The following SETD1A variants were observed in gnomAD, a reference collection of about 807,000 sequenced individuals.
SETD1A encodes the protein SET domain containing 1A, histone lysine methyltransferase.
Under a neutral mutation model 149.9 loss-of-function variants are expected in SETD1A, and 29 were observed. The ratio of observed to expected loss-of-function variants is 0.19; its 90% confidence interval spans 0.14 to 0.26. SETD1A has a LOEUF of 0.26. Ranked by LOEUF, SETD1A falls within the 10% of genes least tolerant of loss-of-function variation. The pLI, the probability that SETD1A is intolerant of heterozygous loss-of-function variation, is 1.00. For synonymous variants in SETD1A, 1,141 were observed against 968.5 expected, an observed-to-expected ratio of 1.18 and a Z score of -3.31; for missense variants, 2,109 against 2,353.1, an observed-to-expected ratio of 0.90 and a Z score of 2.15.
chr16:30,979,919 A>ACAG lies in SETD1A; in HGVS notation c.4147_4149dup (p.Ser1383dup), dbSNP rs542501339. ...GAGGAAGAGGAGGAGGAGTCCTCTGACAGCAGCAGCAGCAGCGATGGGGAG... is the reference window on the plus strand; with the variant it reads ...GAGGAAGAGGAGGAGGAGTCCTCTGACAGCAGCAGCAGCAGCAGCGATGGGGAG... On this transcript the variant is annotated inframe_insertion, in exon 14 of 19. Coordinates refer to ENST00000262519, the MANE Select transcript of SETD1A (RefSeq NM_014712.3). 5,071 of 1,534,008 alleles carry ACAG rather than the reference A, an allele frequency of 3.3e-3. 6 individuals carry two copies. Among genetic ancestry groups the ACAG allele is most frequent in the Non-Finnish European group, 4.1e-3 (4,641 of 1,145,528 alleles).
rs773199524 is a variant in SETD1A, at chr16:30,966,191, G to A, written c.2310G>A (p.Arg770=). Residue 770 remains arginine (R), a synonymous_variant, in exon 8 of 19, where the codon CGG becomes CGA. Coordinates refer to ENST00000262519, the MANE Select transcript of SETD1A (RefSeq NM_014712.3). ...CCTCAGTCTCGGGAGAGGAGGCCCG[G>A]CTGCCACCCAGGGAAGAAGCAGAGC... ...PSSSVSGEEA[R]LPPREEAELA... The A allele has an allele frequency of 6.2e-7, 1 of 1,612,402 alleles. No homozygotes were observed. The highest frequency in any genetic ancestry group is 2.2e-5 in the East Asian group (1 of 44,856).
At position 30,965,144 on chromosome 16, in the gene SETD1A, T is replaced by G; in HGVS notation, c.1402T>G (p.Ser468Ala). The change falls in exon 7 of 19, where the codon TCT becomes GCT. Residue 468 changes from serine (S) to alanine (A), a missense_variant. Physicochemically the swap from Ser to Ala is moderately conservative, Grantham distance 99. Transcript: ENST00000262519. ...TSPRPASPAR[S>A]GSPAPETTNE... ...CCCCCGCCCAGCCTCCCCTGCCCGC[T>G]CTGGCTCCCCAGCCCCGGAGACCAC... 6.2e-7 allele frequency: 1 copy of G among 1,613,034 alleles called. No individual in the cohort carries two copies. The highest frequency in any genetic ancestry group is 8.5e-7 in the Non-Finnish European group (1 of 1,179,862).
rs762434879 is a variant in SETD1A, at chr16:30,981,057, C to T, written c.4693-4C>T. On this transcript the variant is annotated splice_region_variant and splice_polypyrimidine_tract_variant and intron_variant, in intron 16 of 18. Coordinates refer to ENST00000262519, the MANE Select transcript of SETD1A (RefSeq NM_014712.3). ...GGCAGTTGAGTCTCCCTTCTGCCCC[C>T]CAGTTCCGGAAGAAGAAGCTCCGAT... 1.5e-5 allele frequency: 25 copies of T among 1,614,106 alleles called. No homozygotes were observed. The highest frequency in any genetic ancestry group is 1.9e-5 in the Non-Finnish European group (22 of 1,179,954).
Position 30,979,992 on chromosome 16 carries a change from C to CCCCAA in SETD1A, c.4208_4209insCAACC (p.Pro1404AsnfsTer23). 2.7e-6 allele frequency: 4 copies of CCCCAA among 1,477,482 alleles called. No homozygotes were observed. The highest frequency in any genetic ancestry group is 3.6e-6 in the Non-Finnish European group (4 of 1,120,116). The allele number at this position is 1,477,482 out of a possible 1,614,324, so 91.5% of individuals were successfully genotyped here. On this transcript the variant is annotated frameshift_variant, in exon 14 of 19. Transcript: ENST00000262519. LOFTEE classifies it high-confidence loss of function. ...TCCGCTCCCACGCCCGGCGCCGCCG[C>CCCCAA]CCTCCGCCCCCACCCCCGCCGCCAC... is the stretch of plus-strand genomic sequence containing the variant.
chr16:30,979,019 C>CG, intron 13 of SETD1A, 126 bp from the exon 14 acceptor site: 1 of 946,766 alleles, frequency 1.1e-6, no homozygotes, highest in South Asian at 1.7e-5. Flanking sequence ...GCCAGGGCGT[C>CG]TGTGTTCCCT....
In SETD1A at chr16:30,980,379, C is replaced by T. The variant is rs74952810; in HGVS notation, c.4409-106C>T. 0.015 allele frequency: 21,682 copies of T among 1,474,520 alleles called. 193 individuals are homozygous for T. The highest frequency in any genetic ancestry group is 0.018 in the Non-Finnish European group (19,524 of 1,092,116). The allele number at this position is 1,474,520 out of a possible 1,614,324, so 91.3% of individuals were successfully genotyped here. A position where few individuals can be genotyped will look rare whatever the true frequency, so the allele number is the denominator to read the frequency against. ...GGAACGATGGGGCTGGGGCTTCCTCCCCTGTCCCTCACCTGGGTATGCTCA... is the reference window on the plus strand; with the variant it reads ...GGAACGATGGGGCTGGGGCTTCCTCTCCTGTCCCTCACCTGGGTATGCTCA... On this transcript the variant is annotated intron_variant, in intron 14 of 18. Coordinates refer to ENST00000262519, the MANE Select transcript of SETD1A (RefSeq NM_014712.3). The surrounding 1 kb of genome is among the most constrained non-coding windows in gnomAD (Gnocchi z 7.7).
rs199948713 is a variant in SETD1A at position 30,966,341 on chromosome 16, C to T, written c.2460C>T (p.Phe820=). 35 of 1,613,376 alleles carry T rather than the reference C, an allele frequency of 2.2e-5. No homozygotes were observed. In the East Asian group the frequency reaches 4.7e-4, roughly 22 times the overall value. The change falls in exon 8 of 19, where the codon TTC becomes TTT. Residue 820 remains phenylalanine (F), a synonymous_variant. Coordinates refer to ENST00000262519, the MANE Select transcript of SETD1A (RefSeq NM_014712.3). Reference sequence around the variant, plus strand: ...GCAAGATGGTGGAGAACGTGGCCTTCGGAGCCTTTGACCAGTGGTGGGAGA... The same window carrying T: ...GCAAGATGGTGGAGAACGTGGCCTTTGGAGCCTTTGACCAGTGGTGGGAGA... ...LNRKMVENVA[F]GAFDQWWESK...
chr16:30,966,197 A>G lies in SETD1A; in HGVS notation c.2316A>G (p.Pro772=), dbSNP rs762902545. The G allele has an allele frequency of 6.2e-7, 1 of 1,612,802 alleles. No homozygotes were observed. The highest frequency in any genetic ancestry group is 8.5e-7 in the Non-Finnish European group (1 of 1,179,642). The part of the protein sequence containing the change: ...SSVSGEEARL[P]PREEAELAEG... ...TCTCGGGAGAGGAGGCCCGGCTGCCACCCAGGGAAGAAGCAGAGCTGGCAG... is the reference window on the plus strand; with the variant it reads ...TCTCGGGAGAGGAGGCCCGGCTGCCGCCCAGGGAAGAAGCAGAGCTGGCAG... The change falls in exon 8 of 19, where the codon CCA becomes CCG. Residue 772 remains proline (P), a synonymous_variant. Coordinates refer to ENST00000262519, the MANE Select transcript of SETD1A (RefSeq NM_014712.3).
At position 30,963,499 on chromosome 16, in the gene SETD1A, C is replaced by T; in HGVS notation, c.584C>T (p.Thr195Ile). Reference sequence around the variant, plus strand: ...TCCTACACCCCTCAGACTGTGCCCACTGGGGGCAAGGCCCTGAGTGAGAAG... The same window carrying T: ...TCCTACACCCCTCAGACTGTGCCCATTGGGGGCAAGGCCCTGAGTGAGAAG... ...NGSYTPQTVP[T>I]GGKALSEKFQ... The change falls in exon 5 of 19, where the codon ACT (threonine) becomes ATT (isoleucine). Residue 195 changes from threonine (T) to isoleucine (I), a missense_variant. This residue lies in a region of SETD1A where 410 missense variants were observed against 394.8 expected (regional missense o/e 1.04). Transcript: ENST00000262519. 1 of 1,613,762 alleles carries T rather than the reference C, an allele frequency of 6.2e-7. No individual in the cohort carries two copies. The highest frequency in any genetic ancestry group is 8.5e-7 in the Non-Finnish European group (1 of 1,179,806).
chr16:30,961,317 A>G lies in SETD1A; in HGVS notation c.297A>G (p.Ala99=). 1.2e-6 allele frequency: 2 copies of G among 1,614,186 alleles called. No individual in the cohort carries two copies. The highest frequency in any genetic ancestry group is 1.7e-6 in the Non-Finnish European group (2 of 1,180,038). Reference sequence around the variant, plus strand: ...TTCCACTGAAGGAAGTGACTTTTGCAAGGCTGAATGACAACGTGCGGGAGA... The same window carrying G: ...TTCCACTGAAGGAAGTGACTTTTGCGAGGCTGAATGACAACGTGCGGGAGA... The part of the protein sequence containing the change: ...GQIPLKEVTF[A]RLNDNVRETF... The change falls in exon 4 of 19, where the codon GCA becomes GCG. Residue 99 remains alanine, a synonymous_variant. Transcript: ENST00000262519. The surrounding 1 kb of genome is among the most constrained non-coding windows in gnomAD (Gnocchi z 4.0).
intron 1 of SETD1A, 189 bp from the exon 2 acceptor site, chr16:30,958,528 G>T (rs909887061): frequency 2.4e-5 from 14 of 594,408 alleles, no homozygotes; most frequent in South Asian, 2.2e-4. Context: ...TTGGGAGGTG[G>T]AAAGAGGCTG....
In SETD1A at chr16:30,979,965, C is replaced by T. The variant is rs1271850956; in HGVS notation, c.4179C>T (p.Ser1393=). 1.3e-6 allele frequency: 2 copies of T among 1,525,678 alleles called. No individual in the cohort carries two copies. The highest frequency in any genetic ancestry group is 2.5e-5 in the East Asian group (1 of 39,568). The allele number at this position is 1,525,678 out of a possible 1,614,324, so 94.5% of individuals were successfully genotyped here. A position where few individuals can be genotyped will look rare whatever the true frequency, so the allele number is the denominator to read the frequency against. ...GGGAGGGCGCCCTCCGGAGGCGCAG[C>T]CTCCGCTCCCACGCCCGGCGCCGCC... The part of the protein sequence containing the change: ...SDGEGALRRR[S]LRSHARRRRP... Residue 1393 remains serine, a synonymous_variant, in exon 14 of 19, where the codon AGC becomes AGT. Coordinates refer to ENST00000262519, the MANE Select transcript of SETD1A (RefSeq NM_014712.3).
chr16:30,983,792 G>T lies in SETD1A; in HGVS notation c.4950+20G>T. 6.2e-7 allele frequency: 1 copy of T among 1,613,086 alleles called. No homozygotes were observed. Among genetic ancestry groups the T allele is most frequent in the East Asian group, 2.2e-5 (1 of 44,866 alleles). ...TGCACGGTGCGCCAGGGGCCAGCCG[G>T]GGCAGGAGTTGGGGGTCGGTGGGGG... On this transcript the variant is annotated intron_variant, in intron 18 of 18. Transcript: ENST00000262519. This position sits in a 1 kb window ranked among gnomAD's most constrained non-coding sequence, Gnocchi z 6.8.
At chr16:30,977,794 C>T (rs2056302391) in intron 13 of SETD1A, among the ~76,000 whole-genome samples, 1 of 152,222 alleles carries the variant, frequency 6.6e-6, no homozygotes, top group South Asian at 2.1e-4. Context: ...AGGTGAATCG[C>T]TGCCTCCTAG....
In SETD1A at chr16:30,961,658, T is replaced by G; in HGVS notation, c.517+121T>G. The G allele has an allele frequency of 1.1e-6, 1 of 877,948 alleles. No homozygotes were observed. Among genetic ancestry groups the G allele is most frequent in the Non-Finnish European group, 1.8e-6 (1 of 567,154 alleles). 54.4% of individuals were successfully genotyped at this position (877,948 alleles called of 1,614,324 possible). A position where few individuals can be genotyped will look rare whatever the true frequency, so the allele number is the denominator to read the frequency against. On this transcript the variant is annotated intron_variant, in intron 4 of 18. Transcript: ENST00000262519. This position sits in a 1 kb window ranked among gnomAD's most constrained non-coding sequence, Gnocchi z 4.0. ...TCTGAAACTGCTGGGGCCAGTTGTG[T>G]TTCTGAAATCAGATCAGATTTTAGA...
chr16:30,972,699 C>T (rs539149368), intron 13 of SETD1A, among the ~76,000 whole-genome samples: 1 of 147,050 alleles, frequency 6.8e-6, no homozygotes, highest in South Asian at 2.2e-4. Flanking sequence ...ACAAAAATTA[C>T]AAAAACTAGC....
In SETD1A at chr16:30,961,335, G is replaced by A. The variant is rs1178246526; in HGVS notation, c.315G>A (p.Val105=). 3 of 1,614,144 alleles carry A rather than the reference G, an allele frequency of 1.9e-6. No homozygotes were observed. The highest frequency in any genetic ancestry group is 2.5e-6 in the Non-Finnish European group (3 of 1,180,006). Residue 105 remains valine (V), a synonymous_variant, in exon 4 of 19, where the codon GTG becomes GTA. Coordinates refer to ENST00000262519, the MANE Select transcript of SETD1A (RefSeq NM_014712.3). The surrounding 1 kb of genome is among the most constrained non-coding windows in gnomAD (Gnocchi z 4.0). ...EVTFARLNDN[V]RETFLKDMCR... Reference sequence around the variant, plus strand: ...CTTTTGCAAGGCTGAATGACAACGTGCGGGAGACCTTCCTGAAGGATATGT... The same window carrying A: ...CTTTTGCAAGGCTGAATGACAACGTACGGGAGACCTTCCTGAAGGATATGT...
At chr16:30,960,117 C>T (rs2056029444) in intron 3 of SETD1A, among the ~76,000 whole-genome samples, 1 of 152,108 alleles carries the variant, frequency 6.6e-6, no homozygotes, top group South Asian at 2.1e-4. Flanking sequence ...TTCTCATTGC[C>T]ACTTAATGTA....
chr16:30,969,385 A>G lies in SETD1A; in HGVS notation c.2851A>G (p.Thr951Ala). The part of the protein sequence containing the change: ...PPKRDEERGK[T>A]QGKHRKSFAL... ...GAAGCGGGACGAAGAGCGAGGCAAG[A>G]CCCAGGGCAAGCACCGCAAGTCCTT... The change falls in exon 11 of 19, where the codon ACC becomes GCC. Residue 951 changes from threonine to alanine, a missense_variant. By Grantham distance (58) the Thr-to-Ala change is moderately conservative. Coordinates refer to ENST00000262519, the MANE Select transcript of SETD1A (RefSeq NM_014712.3). 1 of 1,614,168 alleles carries G rather than the reference A, an allele frequency of 6.2e-7. No homozygotes were observed. Among genetic ancestry groups the G allele is most frequent in the South Asian group, 1.1e-5 (1 of 91,082 alleles).
Sources: gnomAD v4.1 joint callset for allele counts (sites outside exome capture counted in the v4.1 genomes callset) on GRCh38, gnomAD v4.1.1 for gene constraint, gnomAD v4.1.1 regional missense constraint, Gnocchi (gnomAD v3.1) non-coding constraint, MANE v1.5 for transcripts, NCBI Gene and HGNC (gene_info 2026-07-23, HGNC 2026-07-21) for gene names.